CNTLN: variants seen among roughly 807,000 people sequenced by gnomAD.
CNTLN encodes the protein centlein, centrosomal protein.
Under a neutral mutation model 180.0 loss-of-function variants are expected in CNTLN, and 212 were observed. The ratio of observed to expected loss-of-function variants is 1.18; its 90% confidence interval spans 1.05 to 1.32. The LOEUF is 1.32. Ranked by LOEUF, CNTLN falls within the 40% of genes most tolerant of loss-of-function variation. CNTLN has a pLI of 0.00. For missense variants in CNTLN, 2,095 were observed against 1,610.9 expected, an observed-to-expected ratio of 1.30 and a Z score of -5.14; for synonymous variants, 722 against 563.1, an observed-to-expected ratio of 1.28 and a Z score of -3.99.
At chr9:17,361,258 G>C (rs1823367315) in intron 12 of CNTLN, among the ~76,000 whole-genome samples, 1 of 151,758 alleles carries the variant, frequency 6.6e-6, no homozygotes, top group South Asian at 2.1e-4. Context: ...TCCCCTTCCT[G>C]TGTCCATGTG....
chr9:17,467,457 T>C (rs911547571), intron 23 of CNTLN, among the ~76,000 whole-genome samples: 3 of 151,650 alleles, frequency 2.0e-5, no homozygotes, highest in African/African-American at 7.2e-5. Flanking sequence ...TATGCCACTA[T>C]TGAGTACTCC....
At position 17,301,690 on chromosome 9, in the gene CNTLN, G is replaced by T. The variant is rs969793081; in HGVS notation, c.1146+3338G>T. 6.2e-6 allele frequency: 6 copies of T among 961,662 alleles called. No homozygotes were observed. In the African/African-American group the frequency reaches 8.9e-5, roughly 14 times the overall value. 59.6% of individuals were successfully genotyped at this position (961,662 alleles called of 1,614,324 possible). A position where few individuals can be genotyped will look rare whatever the true frequency, so the allele number is the denominator to read the frequency against. On this transcript the variant is annotated intron_variant, in intron 7 of 25. Transcript: ENST00000380647. ...CAGTTTTCATTAGTATCCTCAACTA[G>T]ACTCAATTTGAAAATATTCTTCTTA... is the stretch of plus-strand genomic sequence containing the variant.
intron 12 of CNTLN, among the ~76,000 whole-genome samples, chr9:17,359,732 A>AAAAAAAAAAAACC (rs1823174334): frequency 1.9e-5 from 2 of 102,612 alleles, no homozygotes; most frequent in African/African-American, 7.7e-5. Flanking sequence ...ATACAAAAAA[A>AAAAAAAAAAAACC]AAAAAAAAAA....
intron 12 of CNTLN, among the ~76,000 whole-genome samples, chr9:17,352,859 A>G: frequency 6.6e-6 from 1 of 152,184 alleles, no homozygotes; most frequent in Non-Finnish European, 1.5e-5. Context: ...TATTTTCAAG[A>G]TTCATCCACA....
chr9:17,441,531 C>T (rs188748451), intron 18 of CNTLN, among the ~76,000 whole-genome samples: 218 of 143,880 alleles, frequency 1.5e-3, no homozygotes, highest in African/African-American at 5.1e-3. Flanking sequence ...ATGGTGATCA[C>T]GAAGAAAATA....
intron 2 of CNTLN, among the ~76,000 whole-genome samples, chr9:17,217,660 A>C (rs1823852647): frequency 6.6e-6 from 1 of 152,230 alleles, no homozygotes; most frequent in African/African-American, 2.4e-5. Flanking sequence ...TGGGTGAAAA[A>C]TATTTGCACA....
In CNTLN at chr9:17,336,263, A is replaced by G. The variant is rs546776383; in HGVS notation, c.1644+3533A>G. Among the ~76,000 whole-genome samples the G allele has an allele frequency of 4.6e-5, 7 of 152,320 alleles. No homozygotes were observed. In the South Asian group the frequency reaches 1.4e-3, roughly 32 times the overall value. The stretch of plus-strand genomic sequence containing the variant: ...CTGTGTTTGTTAGAAGGTTATAAAG[A>G]AAGTATTTGGATATTTTGAAAAATA... On this transcript the variant is annotated intron_variant, in intron 10 of 25. Transcript: ENST00000380647.
chr9:17,466,044 C>G lies in CNTLN; in HGVS notation c.3595C>G (p.Leu1199Val). ...ATCAATTGATTCACTAAAGCAAAGA[C>G]TTAACGTTGCTGTAAAAGAAAAGTC... Reference protein sequence around the residue: ...KVSIDSLKQRLNVAVKEKSQY... With the variant: ...KVSIDSLKQRVNVAVKEKSQY... Residue 1199 changes from leucine (L) to valine (V), a missense_variant, in exon 22 of 26, where the codon CTT becomes GTT. By Grantham distance (32) the Leu-to-Val change is conservative (BLOSUM62 1). Coordinates refer to ENST00000380647, the MANE Select transcript of CNTLN (RefSeq NM_017738.4). The G allele has an allele frequency of 6.2e-7, 1 of 1,603,544 alleles. No homozygotes were observed. The highest frequency in any genetic ancestry group is 1.1e-5 in the South Asian group (1 of 90,630).
chr9:17,410,122 A>T (rs1311355767), intron 16 of CNTLN, among the ~76,000 whole-genome samples: 2 of 152,192 alleles, frequency 1.3e-5, no homozygotes, highest in South Asian at 4.1e-4. Context: ...TACTACCAGA[A>T]TAAAGTTCAG....
chr9:17,260,470 A>G (rs1041571694), intron 5 of CNTLN, among the ~76,000 whole-genome samples: 1 of 151,238 alleles, frequency 6.6e-6, no homozygotes, highest in Non-Finnish European at 1.5e-5. Flanking sequence ...TCTTTTGACA[A>G]GTGTCTGTTT....
rs147943538 is a variant in CNTLN, at chr9:17,201,783, G to C, written c.450-24420G>C. On this transcript the variant is annotated intron_variant, in intron 2 of 25. Coordinates refer to ENST00000380647, the MANE Select transcript of CNTLN (RefSeq NM_017738.4). ...TTTTGTCAATCTTTTCAAAAAACCA[G>C]CTCCTGGATTCATTGATTTTTTTTT... is the stretch of plus-strand genomic sequence containing the variant. Among the ~76,000 whole-genome samples, 766 of 151,956 alleles carry C rather than the reference G, an allele frequency of 5.0e-3. 4 individuals are homozygous for C. Among genetic ancestry groups the C allele is most frequent in the African/African-American group, 0.017 (711 of 41,476 alleles).
chr9:17,471,066 T>G (rs1832022749), intron 23 of CNTLN, among the ~76,000 whole-genome samples: 1 of 152,070 alleles, frequency 6.6e-6, no homozygotes, highest in Non-Finnish European at 1.5e-5. Flanking sequence ...ACAGCTGTGT[T>G]TAGAGAAAAG....
intron 25 of CNTLN, among the ~76,000 whole-genome samples, chr9:17,496,177 A>G (rs1356354933): frequency 6.6e-6 from 1 of 152,204 alleles, no homozygotes; most frequent in Non-Finnish European, 1.5e-5. Context: ...GTGATGAACA[A>G]GAGACTGAAT....
intron 6 of CNTLN, among the ~76,000 whole-genome samples, chr9:17,275,126 A>G (rs1053228091): frequency 3.3e-5 from 5 of 152,140 alleles, no homozygotes; most frequent in African/African-American, 7.2e-5. Context: ...ATGAAATTTA[A>G]AAATTATTAT....
intron 18 of CNTLN, among the ~76,000 whole-genome samples, chr9:17,438,171 C>T (rs1829889996): frequency 1.3e-5 from 2 of 151,930 alleles, no homozygotes; most frequent in Non-Finnish European, 2.9e-5. Context: ...AGGCCCTGTA[C>T]CTTGGTAGTT....
chr9:17,412,277 C>G (rs1162520940), intron 16 of CNTLN, among the ~76,000 whole-genome samples: 1 of 152,110 alleles, frequency 6.6e-6, no homozygotes, highest in Non-Finnish European at 1.5e-5. Flanking sequence ...AAATGAGATT[C>G]AAGTAAGATA....
At chr9:17,143,407 T>A in intron 2 of CNTLN, 31 bp downstream of exon 2, 1 of 1,501,518 alleles carries the variant, frequency 6.7e-7, no homozygotes, top group East Asian at 2.3e-5. Context: ...TTCATGAGTA[T>A]TTGGTGTGTT....
At chr9:17,210,453 T>C (rs200526367) in intron 2 of CNTLN, among the ~76,000 whole-genome samples, 114 of 152,306 alleles carry the variant, frequency 7.5e-4, no homozygotes, top group African/African-American at 2.6e-3. Context: ...TTTCTTAATC[T>C]AGTCTATCAT....
chr9:17,197,295 A>C (rs769123834), intron 2 of CNTLN, among the ~76,000 whole-genome samples: 1 of 152,150 alleles, frequency 6.6e-6, no homozygotes, highest in Non-Finnish European at 1.5e-5. Context: ...CCTTGTCAGC[A>C]TTTGTAATTG....
Sources: allele counts gnomAD v4.1 joint callset (sites outside exome capture counted in the v4.1 genomes callset), GRCh38; gene constraint gnomAD v4.1.1; transcripts MANE v1.5; gene names NCBI Gene and HGNC (gene_info 2026-07-23, HGNC 2026-07-21).